MRPL38: variants seen among roughly 807,000 people sequenced by gnomAD.
The protein encoded by MRPL38 is large ribosomal subunit protein mL38.
In MRPL38, 51 loss-of-function variants were observed where a neutral mutation model predicts 52.1. The observed-to-expected ratio is 0.98, with a 90% CI of 0.78 to 1.24. MRPL38 has a LOEUF of 1.24. Ranked by LOEUF, MRPL38 falls within the 50% of genes most tolerant of loss-of-function variation. The probability of loss-of-function intolerance (pLI) is 0.00; values close to 1 mark genes in which losing one functional copy is unlikely to be tolerated. For missense variants in MRPL38, 527 were observed against 518.6 expected (o/e 1.02, Z -0.16); for synonymous variants, 245 against 212.7 (o/e 1.15, Z -1.32).
At position 75,898,714 on chromosome 17, in the gene MRPL38, G is replaced by A. The variant is rs777960330; in HGVS notation, c.*136C>T. 6.0e-6 allele frequency: 6 copies of A among 998,328 alleles called. No homozygotes were observed. Among genetic ancestry groups the A allele is most frequent in the African/African-American group, 4.8e-5 (3 of 62,002 alleles). The allele number at this position is 998,328 out of a possible 1,614,324, so 61.8% of individuals were successfully genotyped here. A position where few individuals can be genotyped will look rare whatever the true frequency, so the allele number is the denominator to read the frequency against. ...GAGAGTCACTTTCACTCCAAGCCCT[G>A]GGCCTGACGGGAGGGGGCCAAAGAG... On this transcript the variant is annotated 3_prime_UTR_variant, in exon 9 of 9. Coordinates refer to ENST00000309352, the MANE Select transcript of MRPL38 (RefSeq NM_032478.4).
intron 6 of MRPL38, chr17:75,899,906 G>C: frequency 2.9e-6 from 1 of 347,620 alleles, no homozygotes; most frequent in Non-Finnish European, 5.1e-6. Flanking sequence ...GAGAGCATCA[G>C]CTTGACAGCA....
At position 75,904,633 on chromosome 17, in the gene MRPL38, G is replaced by A. The variant is rs774173503; in HGVS notation, c.154C>T (p.Arg52Trp). Residue 52 changes from arginine (R) to tryptophan (W), a missense_variant, in exon 2 of 9, where the codon CGG becomes TGG. Transcript: ENST00000309352. Reference protein sequence around the residue: ...LSNLERLEKYRSFDRYRRRAE... With the variant: ...LSNLERLEKYWSFDRYRRRAE... ...CGGCGCCGGTAGCGGTCGAAGCTCC[G>A]GTACTTCTCCAGCCGCTCCAGGTTG... 2 of 1,595,472 alleles carry A rather than the reference G, an allele frequency of 1.3e-6. No individual in the cohort carries two copies. Among genetic ancestry groups the A allele is most frequent in the East Asian group, 2.2e-5 (1 of 44,714 alleles).
rs1027756164 is a variant in MRPL38, at chr17:75,901,635, G to A, written c.591+77C>T. The A allele has an allele frequency of 4.7e-6, 6 of 1,264,844 alleles. No homozygotes were observed. Among genetic ancestry groups the A allele is most frequent in the Non-Finnish European group, 6.9e-6 (6 of 871,318 alleles). The allele number at this position is 1,264,844 out of a possible 1,614,324, so 78.4% of individuals were successfully genotyped here. On this transcript the variant is annotated intron_variant, in intron 4 of 8. Coordinates refer to ENST00000309352, the MANE Select transcript of MRPL38 (RefSeq NM_032478.4). This position sits in a 1 kb window ranked among gnomAD's most constrained non-coding sequence, Gnocchi z 5.7. ...AGAGAACAACAAAATTCCAAACCCA[G>A]GAGTGTCTGTGACACTGAGATGGGA...
chr17:75,904,787 C>CCCCA, intron 1 of MRPL38, 22 bp downstream of exon 1: 2 of 1,296,780 alleles, frequency 1.5e-6, no homozygotes, highest in Non-Finnish European at 9.9e-7. Flanking sequence ...CCCCCCCCCC[C>CCCCA]GCAGAGCTGC....
rs368523779 is a variant in MRPL38, at chr17:75,899,645, T to C, written c.740A>G (p.Glu247Gly). 204 of 1,588,656 alleles carry C rather than the reference T, an allele frequency of 1.3e-4. No homozygotes were observed. The highest frequency in any genetic ancestry group is 1.7e-4 in the Non-Finnish European group (194 of 1,166,496). ...LTNIPGNRVA[E>G]GQVTCPYLPP... Reference sequence around the variant, plus strand: ...GAGGTAGGGACACGTCACCTGTCCTTCAGCCACCCGGTTACCCGGGATGTT... The same window carrying C: ...GAGGTAGGGACACGTCACCTGTCCTCCAGCCACCCGGTTACCCGGGATGTT... Residue 247 changes from glutamate to glycine, a missense_variant, in exon 7 of 9, where the codon GAA becomes GGA. Transcript: ENST00000309352.
At position 75,900,983 on chromosome 17, in the gene MRPL38, G is replaced by A; in HGVS notation, c.709C>T (p.Leu237=). 1 of 1,611,830 alleles carries A rather than the reference G, an allele frequency of 6.2e-7. No homozygotes were observed. The highest frequency in any genetic ancestry group is 8.5e-7 in the Non-Finnish European group (1 of 1,179,276). ...EPDAEYLHWL[L]TNIPGNRVAE... ...TACCCCCAGTACTCCAGTACTCACAGCAGCCAGTGGAGGTACTCAGCATCT... is the reference window on the plus strand; with the variant it reads ...TACCCCCAGTACTCCAGTACTCACAACAGCCAGTGGAGGTACTCAGCATCT... Residue 237 remains leucine, a splice_region_variant and synonymous_variant, in exon 6 of 9, where the codon CTA becomes TTA. Transcript: ENST00000309352.
In MRPL38 at chr17:75,904,589, C is replaced by G; in HGVS notation, c.198G>C (p.Gln66His). ...RYRRRAEQEA[Q>H]APHWWRTYRE... ...GGTAGGTCCGCCACCAGTGCGGGGCCTGCGCCTCCTGCTCTGCTCGGCGCC... is the reference window on the plus strand; with the variant it reads ...GGTAGGTCCGCCACCAGTGCGGGGCGTGCGCCTCCTGCTCTGCTCGGCGCC... The change falls in exon 2 of 9, where the codon CAG becomes CAC. Residue 66 changes from glutamine (Q) to histidine (H), a missense_variant. Transcript: ENST00000309352. 1.3e-6 allele frequency: 2 copies of G among 1,587,226 alleles called. No homozygotes were observed. The highest frequency in any genetic ancestry group is 1.7e-6 in the Non-Finnish European group (2 of 1,174,778).
intron 6 of MRPL38, 64 bp downstream of exon 6, chr17:75,900,918 C>T (rs1011021319): frequency 1.6e-4 from 259 of 1,571,974 alleles, no homozygotes; most frequent in Middle Eastern, 3.4e-4. Context: ...GCAGCTCAGT[C>T]CAGGCTCCCA....
chr17:75,904,434 C>G (rs2065419047), intron 2 of MRPL38, 106 bp downstream of exon 2: 4 of 1,240,224 alleles, frequency 3.2e-6, no homozygotes, highest in Middle Eastern at 2.0e-4. Flanking sequence ...GCGTCCCCAG[C>G]ATCCACAAGG....
intron 1 of MRPL38, 39 bp downstream of exon 1, chr17:75,904,770 G>GGGGGGGCCCCCC: frequency 3.2e-5 from 16 of 500,006 alleles, no homozygotes; most frequent in Admixed American, 9.6e-5. Flanking sequence ...TCGGGCGACA[G>GGGGGGGCCCCCC]CCCCCCCCCC....
In MRPL38 at chr17:75,899,689, G is replaced by T; in HGVS notation, c.711-15C>A. On this transcript the variant is annotated splice_polypyrimidine_tract_variant and intron_variant, in intron 6 of 8. Transcript: ENST00000309352. ...GGATGTTGGTTCTGGGAGGAGGAAA[G>T]TCCCGGTTAATTACCACTCCAGGGA... 1.3e-6 allele frequency: 2 copies of T among 1,545,150 alleles called. No individual in the cohort carries two copies. Among genetic ancestry groups the T allele is most frequent in the Non-Finnish European group, 1.8e-6 (2 of 1,142,122 alleles).
chr17:75,904,322 A>AG (rs778751984), intron 2 of MRPL38: 270 of 707,428 alleles, frequency 3.8e-4, no homozygotes, highest in Non-Finnish European at 6.5e-4. Context: ...CTCTAATAGT[A>AG]GGGGGAGCGA....
Position 75,902,019 on chromosome 17 carries a change from C to T in MRPL38, c.382+1G>A. 6.2e-7 allele frequency: 1 copy of T among 1,613,796 alleles called. No homozygotes were observed. Among genetic ancestry groups the T allele is most frequent in the Non-Finnish European group, 8.5e-7 (1 of 1,179,816 alleles). On this transcript the variant is annotated splice_donor_variant, in intron 3 of 8. Transcript: ENST00000309352. LOFTEE classifies it high-confidence loss of function. ...ATGGCCCCTCCCCTGAGAAGGCTTA[C>T]CTGTGCGGAGGCGGGCAGCCCGCTC...
Position 75,899,299 on chromosome 17 carries a change from G to A in MRPL38, c.870-5C>T. 1.2e-6 allele frequency: 2 copies of A among 1,612,058 alleles called. No homozygotes were observed. Among genetic ancestry groups the A allele is most frequent in the Non-Finnish European group, 1.7e-6 (2 of 1,179,364 alleles). Reference sequence around the variant, plus strand: ...GTCCGCTGGGCCAGCTGATAGCTATGAGAAGATAGAGAGCGTATGAGAGTG... The same window carrying A: ...GTCCGCTGGGCCAGCTGATAGCTATAAGAAGATAGAGAGCGTATGAGAGTG... On this transcript the variant is annotated splice_region_variant and splice_polypyrimidine_tract_variant and intron_variant, in intron 7 of 8. Transcript: ENST00000309352.
At position 75,899,589 on chromosome 17, in the gene MRPL38, G is replaced by A. The variant is rs1234225362; in HGVS notation, c.796C>T (p.His266Tyr). Residue 266 changes from histidine (H) to tyrosine (Y), a missense_variant, in exon 7 of 9, where the codon CAC becomes TAC. His to Tyr is a moderately conservative substitution (Grantham distance 83). Transcript: ENST00000309352. ...TTGAAGAGCAGGAAGGCAAGACGGT[G>A]GATGCCGGAGCCTCGGGCAGGGAAG... ...PPFPARGSGI[H>Y]RLAFLLFKQD... 6.2e-7 allele frequency: 1 copy of A among 1,609,032 alleles called. No individual in the cohort carries two copies. Among genetic ancestry groups the A allele is most frequent in the Non-Finnish European group, 8.5e-7 (1 of 1,177,126 alleles).
In MRPL38 at chr17:75,904,696, G is replaced by C. The variant is rs1314066200; in HGVS notation, c.91C>G (p.Pro31Ala). The C allele has an allele frequency of 6.3e-7, 1 of 1,593,622 alleles. No individual in the cohort carries two copies. ...TSAVLGRRTP[P>A]LGPMPNSDID... is the part of the protein sequence containing the mutation. ...TCACTGTTGGGCATCGGCCCCAGCGGGGGTGTCCGGCGGCCCAGGACGGCT... is the reference window on the plus strand; with the variant it reads ...TCACTGTTGGGCATCGGCCCCAGCGCGGGTGTCCGGCGGCCCAGGACGGCT... Residue 31 changes from proline (P) to alanine (A), a missense_variant, in exon 2 of 9, where the codon CCG becomes GCG. Physicochemically the swap from Pro to Ala is conservative, Grantham distance 27 (BLOSUM62 -1). Coordinates refer to ENST00000309352, the MANE Select transcript of MRPL38 (RefSeq NM_032478.4).
rs1469837272 is a variant in MRPL38 at position 75,901,668 on chromosome 17, G to A, written c.591+44C>T. ...TGTGACACTGAGATGGGATGTGTCT[G>A]TGTTTGCACAGGGCAGGGAGGAGGG... On this transcript the variant is annotated intron_variant, in intron 4 of 8. Transcript: ENST00000309352. This position sits in a 1 kb window ranked among gnomAD's most constrained non-coding sequence, Gnocchi z 5.7. The A allele has an allele frequency of 6.5e-7, 1 of 1,543,590 alleles. No individual in the cohort carries two copies.
intron 6 of MRPL38, chr17:75,900,101 G>A (rs111272450): frequency 6.5e-5 from 10 of 155,032 alleles, no homozygotes; most frequent in African/African-American, 2.4e-4. Flanking sequence ...TCCCCAGAGG[G>A]TCCTGCCGCA....
At chr17:75,900,853 A>G (rs1458978587) in intron 6 of MRPL38, 129 bp downstream of exon 6, 1 of 1,451,776 alleles carries the variant, frequency 6.9e-7, no homozygotes, top group South Asian at 1.5e-5. Context: ...CACCCTCAGG[A>G]GGCAGAGGTG....
Sources: gnomAD v4.1 joint callset for allele counts on GRCh38, gnomAD v4.1.1 for gene constraint, Gnocchi (gnomAD v3.1) non-coding constraint, MANE v1.5 for transcripts, NCBI Gene and HGNC (gene_info 2026-07-23, HGNC 2026-07-21) for gene names.